Variants in TNR observed in about 807,000 individuals in gnomAD.
TNR encodes the protein tenascin-R.
A neutral mutation model predicts 150.4 loss-of-function variants in TNR; 45 were observed. The observed-to-expected ratio is 0.30, with a 90% CI of 0.24 to 0.38. The LOEUF (loss-of-function observed/expected upper bound fraction) is 0.38, where lower values mean the gene tolerates loss of function less well. TNR is among the 10% of genes least tolerant of loss of function. The pLI is 1.00. For synonymous variants in TNR, 687 were observed against 678.4 expected, an observed-to-expected ratio of 1.01 and a Z score of -0.20; for missense variants, 1,544 against 1,759.1, an observed-to-expected ratio of 0.88 and a Z score of 2.19.
chr1:175,462,305 G>A (rs1656854710), intron 2 of TNR, among the ~76,000 whole-genome samples: 1 of 152,204 alleles, frequency 6.6e-6, no homozygotes, highest in Admixed American at 6.5e-5. Context: ...TGAAAACACA[G>A]AAGCAACTTG....
intron 1 of TNR, among the ~76,000 whole-genome samples, chr1:175,598,847 C>G (rs56993857): frequency 6.6e-6 from 1 of 152,190 alleles, no homozygotes; most frequent in Non-Finnish European, 1.5e-5. Flanking sequence ...AATCACTCTG[C>G]CACTCTAGAA....
intron 1 of TNR, among the ~76,000 whole-genome samples, chr1:175,661,788 C>A: frequency 1.8e-5 from 1 of 55,724 alleles, no homozygotes; most frequent in Non-Finnish European, 4.1e-5. Context: ...ATCCTCTTTC[C>A]CTCCCCCCTC....
intron 2 of TNR, among the ~76,000 whole-genome samples, chr1:175,490,371 A>G (rs1451126612): frequency 1.3e-5 from 2 of 152,256 alleles, no homozygotes; most frequent in Non-Finnish European, 2.9e-5. Context: ...AAATTGACAA[A>G]TGGGATCTAA....
chr1:175,370,561 G>A (rs1161120818), intron 9 of TNR, among the ~76,000 whole-genome samples: 1 of 151,994 alleles, frequency 6.6e-6, no homozygotes, highest in Non-Finnish European at 1.5e-5. Context: ...TCTCTAGATT[G>A]AGTGGGTGAT....
intron 9 of TNR, among the ~76,000 whole-genome samples, chr1:175,369,639 G>A (rs1480215175): frequency 6.7e-6 from 1 of 148,770 alleles, no homozygotes; most frequent in Admixed American, 6.8e-5. Flanking sequence ...ACTGTGGCAC[G>A]GAGTAAGTCT....
intron 7 of TNR, among the ~76,000 whole-genome samples, chr1:175,387,184 G>A (rs1252351688): frequency 6.6e-6 from 1 of 152,210 alleles, no homozygotes; most frequent in Non-Finnish European, 1.5e-5. Flanking sequence ...GAATGTAGAA[G>A]AAGAAAGAAA....
chr1:175,532,767 G>A (rs896759922), intron 1 of TNR, among the ~76,000 whole-genome samples: 35 of 152,114 alleles, frequency 2.3e-4, no homozygotes, highest in Admixed American at 1.6e-3. Flanking sequence ...AAGATGGCTC[G>A]TTTGTGTGAT....
chr1:175,636,147 T>C (rs1013239330), intron 1 of TNR, among the ~76,000 whole-genome samples: 1 of 152,166 alleles, frequency 6.6e-6, no homozygotes, highest in Non-Finnish European at 1.5e-5. Flanking sequence ...AGTATCTAAA[T>C]AGCCTCGCCC....
In TNR at chr1:175,577,536, C is replaced by A. The variant is rs556626405; in HGVS notation, c.-164-49167G>T. Among the ~76,000 whole-genome samples, 16 of 152,246 alleles carry A rather than the reference C, an allele frequency of 1.1e-4. No individual in the cohort carries two copies. In the South Asian group the frequency reaches 2.9e-3, roughly 28 times the overall value. ...ACTAGATGTCTGACACTGCCCCACA[C>A]AAGCCTTGGTCAGTGTGGGTGCTCA... is the stretch of plus-strand genomic sequence containing the variant. On this transcript the variant is annotated intron_variant, in intron 1 of 22. Coordinates refer to ENST00000367674, the MANE Select transcript of TNR (RefSeq NM_003285.3).
intron 2 of TNR, among the ~76,000 whole-genome samples, chr1:175,439,122 C>A (rs1333401049): frequency 6.6e-6 from 1 of 152,180 alleles, no homozygotes; most frequent in Non-Finnish European, 1.5e-5. Flanking sequence ...TGACGTCAAA[C>A]TATACTACAA....
chr1:175,560,401 T>C (rs938790689), intron 1 of TNR, among the ~76,000 whole-genome samples: 1 of 152,268 alleles, frequency 6.6e-6, no homozygotes, highest in African/African-American at 2.4e-5. Flanking sequence ...TGCCTGCGCA[T>C]GGCTGGTCAA....
At chr1:175,688,567 C>A (rs1187093670) in intron 1 of TNR, among the ~76,000 whole-genome samples, 3 of 152,166 alleles carry the variant, frequency 2.0e-5, no homozygotes, top group Non-Finnish European at 4.4e-5. Flanking sequence ...CTGAGTAACC[C>A]AGGAAGCAGA....
At position 175,406,231 on chromosome 1, in the gene TNR, C is replaced by T. The variant is rs1451079459; in HGVS notation, c.484G>A (p.Glu162Lys). ...CGGACTCTACCTGTGGCAGCACTTT[C>T]TTGGCAGCAGTTGGCGTTGCACTGG... ...RDQCNANCCQ[E>K]SAATGQLDYI... The change falls in exon 3 of 23, where the codon GAA becomes AAA. Residue 162 changes from glutamate (E) to lysine (K), a missense_variant. By Grantham distance (56) the Glu-to-Lys change is moderately conservative (BLOSUM62 1). Coordinates refer to ENST00000367674, the MANE Select transcript of TNR (RefSeq NM_003285.3). The T allele has an allele frequency of 1.2e-6, 2 of 1,613,952 alleles. No homozygotes were observed. Among genetic ancestry groups the T allele is most frequent in the South Asian group, 2.2e-5 (2 of 91,034 alleles).
At chr1:175,369,283 T>C (rs2236883) in intron 9 of TNR, among the ~76,000 whole-genome samples, 76,050 of 151,956 alleles carry the variant, frequency 0.5, 19,466 homozygotes, top group East Asian at 0.61. Context: ...CCTCCCACGG[T>C]TCTGAAGTCT....
chr1:175,515,011 C>A (rs189866382), intron 2 of TNR, among the ~76,000 whole-genome samples: 1 of 152,314 alleles, frequency 6.6e-6, no homozygotes, highest in East Asian at 1.9e-4. Context: ...GTGTCACTTA[C>A]TGTGGGGAGA....
chr1:175,482,810 G>T (rs1257198966), intron 2 of TNR, among the ~76,000 whole-genome samples: 2 of 152,176 alleles, frequency 1.3e-5, no homozygotes, highest in African/African-American at 4.8e-5. Flanking sequence ...AAAATGTGAG[G>T]CTTGTACTAA....
At chr1:175,583,105 G>A (rs1163573851) in intron 1 of TNR, among the ~76,000 whole-genome samples, 2 of 152,150 alleles carry the variant, frequency 1.3e-5, no homozygotes, top group African/African-American at 2.4e-5. Context: ...ATAGACTAAG[G>A]CAACATGATA....
At chr1:175,699,711 G>T (rs999136143) in intron 1 of TNR, among the ~76,000 whole-genome samples, 1 of 152,078 alleles carries the variant, frequency 6.6e-6, no homozygotes, top group Non-Finnish European at 1.5e-5. Flanking sequence ...GCCAGCGACT[G>T]ACAGGCTTAC....
chr1:175,443,466 G>GTTTACTCATCACTT (rs1655886310), intron 2 of TNR, among the ~76,000 whole-genome samples: 1 of 152,184 alleles, frequency 6.6e-6, no homozygotes, highest in Non-Finnish European at 1.5e-5. Context: ...TCCAGTCAAT[G>GTTTACTCATCACTT]CTTAGCAAGT....
Sources: allele counts gnomAD v4.1 joint callset (sites outside exome capture counted in the v4.1 genomes callset), GRCh38; gene constraint gnomAD v4.1.1; transcripts MANE v1.5; gene names NCBI Gene and HGNC (gene_info 2026-07-23, HGNC 2026-07-21).